COL24A1: variants seen among roughly 807,000 people sequenced by gnomAD.
COL24A1 encodes collagen alpha-1(XXIV) chain.
COL24A1 carries 224 observed loss-of-function variants against 253.9 expected under a neutral mutation model. The observed-to-expected ratio is 0.88, with a 90% CI of 0.79 to 0.99. The LOEUF is 0.99. COL24A1 is among the 50% of genes least tolerant of loss of function. The probability of loss-of-function intolerance (pLI) is 0.00; values close to 1 mark genes in which losing one functional copy is unlikely to be tolerated. For synonymous variants in COL24A1, 685 were observed against 673.7 expected (o/e 1.02, Z -0.26); for missense variants, 2,131 against 2,068.5 (o/e 1.03, Z -0.59).
chr1:85,900,523 C>A (rs1182537293), intron 28 of COL24A1, among the ~76,000 whole-genome samples: 1 of 152,034 alleles, frequency 6.6e-6, no homozygotes, highest in Non-Finnish European at 1.5e-5. Context: ...CCTGTAGAAC[C>A]AGCTACTTGG....
chr1:85,786,515 T>C lies in COL24A1; in HGVS notation c.3952-54A>G, dbSNP rs1008085585. On this transcript the variant is annotated intron_variant, in intron 47 of 59. Coordinates refer to ENST00000370571, the MANE Select transcript of COL24A1 (RefSeq NM_152890.7). ...TGGGAAAGTTTCTAAAAAGTCAGTT[T>C]AGAGGCTCAATAAAATGTAGGAAGA... 5 of 1,522,448 alleles carry C rather than the reference T, an allele frequency of 3.3e-6. No individual in the cohort carries two copies. The East Asian group carries it at 9.1e-5, about 28-fold the overall frequency. The allele number at this position is 1,522,448 out of a possible 1,614,324, so 94.3% of individuals were successfully genotyped here.
intron 43 of COL24A1, among the ~76,000 whole-genome samples, chr1:85,830,140 C>T (rs534236147): frequency 1.3e-5 from 2 of 152,188 alleles, no homozygotes; most frequent in African/African-American, 2.4e-5. Context: ...TTCCTTCTAA[C>T]AGACAGGACC....
intron 47 of COL24A1, among the ~76,000 whole-genome samples, chr1:85,791,277 A>G (rs763522410): frequency 6.6e-6 from 1 of 152,152 alleles, no homozygotes; most frequent in African/African-American, 2.4e-5. Flanking sequence ...GAAGGAGTCA[A>G]TGCTGAGATG....
intron 47 of COL24A1, among the ~76,000 whole-genome samples, chr1:85,815,536 A>G (rs1672972465): frequency 6.6e-6 from 1 of 152,220 alleles, no homozygotes; most frequent in South Asian, 2.1e-4. Flanking sequence ...AACAGCCTTC[A>G]TATTTTCAGA....
chr1:86,034,891 C>G (rs1374320907), intron 12 of COL24A1, among the ~76,000 whole-genome samples: 1 of 151,958 alleles, frequency 6.6e-6, no homozygotes, highest in Non-Finnish European at 1.5e-5. Flanking sequence ...GTTTATAAGA[C>G]TTACTATTGT....
At chr1:85,898,131 G>A (rs1377557526) in intron 28 of COL24A1, among the ~76,000 whole-genome samples, 2 of 152,182 alleles carry the variant, frequency 1.3e-5, no homozygotes, top group African/African-American at 4.8e-5. Flanking sequence ...GACTTATAAG[G>A]TGAAGGTCTG....
chr1:85,860,601 C>G (rs1027139366), intron 37 of COL24A1, among the ~76,000 whole-genome samples: 1 of 152,028 alleles, frequency 6.6e-6, no homozygotes, highest in Admixed American at 6.6e-5. Context: ...ATTAGCCAGG[C>G]GTGGTGGTGG....
chr1:85,839,498 A>T (rs1192971321), intron 42 of COL24A1, among the ~76,000 whole-genome samples: 1 of 152,080 alleles, frequency 6.6e-6, no homozygotes, highest in South Asian at 2.1e-4. Flanking sequence ...CTGAGATAGG[A>T]GGATCCCTTG....
Position 85,823,550 on chromosome 1 carries a change from C to T in COL24A1, c.3775G>A (p.Glu1259Lys). The change falls in exon 45 of 60, where the codon GAG (glutamate) becomes AAG (lysine). Residue 1259 changes from glutamate (E) to lysine (K), a missense_variant. By Grantham distance (56) the Glu-to-Lys change is moderately conservative. Transcript: ENST00000370571. Reference protein sequence around the residue: ...GDQGEQGLKGERGSEGNKGKK... With the variant: ...GDQGEQGLKGKRGSEGNKGKK... The stretch of plus-strand genomic sequence containing the variant: ...TTTCAACTTACTTCAGATCCTCTCT[C>T]TCCTTTTAGTCCTTGTTCACCCTGG... 6.2e-7 allele frequency: 1 copy of T among 1,613,978 alleles called. No individual in the cohort carries two copies. The highest frequency in any genetic ancestry group is 8.5e-7 in the Non-Finnish European group (1 of 1,179,926).
chr1:86,046,920 T>C (rs1253683602), intron 11 of COL24A1, 51 bp from the exon 12 acceptor site: 5 of 1,004,874 alleles, frequency 5.0e-6, no homozygotes, highest in African/African-American at 1.6e-5. Flanking sequence ...ATGAATTAGG[T>C]ACTATAGATC....
chr1:86,131,675 T>C (rs1037780106), intron 2 of COL24A1, among the ~76,000 whole-genome samples: 1 of 152,088 alleles, frequency 6.6e-6, no homozygotes, highest in African/African-American at 2.4e-5. Flanking sequence ...TCCATGTCCC[T>C]ACAAAGGACA....
intron 35 of COL24A1, 49 bp downstream of exon 35, chr1:85,874,600 C>T: frequency 6.5e-7 from 1 of 1,539,578 alleles, no homozygotes; most frequent in Non-Finnish European, 8.9e-7. Flanking sequence ...TTTTGAGCCT[C>T]TGAAAGAAGT....
rs578155336 is a variant in COL24A1, at chr1:85,869,505, G to GA, written c.3139-671dup. On this transcript the variant is annotated intron_variant, in intron 35 of 59. Transcript: ENST00000370571. Reference sequence around the variant, plus strand: ...CAGACTAACAGCGGATCTCTTGGCAGAAACTCTAGAAGCCAGAAGAGAGTG... The same window carrying GA: ...CAGACTAACAGCGGATCTCTTGGCAGAAAACTCTAGAAGCCAGAAGAGAGTG... Among the ~76,000 whole-genome samples, 180 of 152,340 alleles carry GA rather than the reference G, an allele frequency of 1.2e-3. 1 individual carries two copies. The Middle Eastern group carries it at 0.034, about 29-fold the overall frequency.
At chr1:85,878,541 C>T (rs1681462010) in intron 32 of COL24A1, among the ~76,000 whole-genome samples, 1 of 152,166 alleles carries the variant, frequency 6.6e-6, no homozygotes, top group South Asian at 2.1e-4. Context: ...CTGCTATAAA[C>T]ATTCTTGTAC....
intron 27 of COL24A1, 54 bp from the exon 28 acceptor site, chr1:85,907,301 A>G: frequency 7.4e-7 from 1 of 1,350,806 alleles, no homozygotes; most frequent in South Asian, 1.2e-5. Context: ...TACTATCAGA[A>G]TAATAGCCAT....
chr1:86,037,164 T>C (rs1342356720), intron 12 of COL24A1, among the ~76,000 whole-genome samples: 2 of 152,228 alleles, frequency 1.3e-5, no homozygotes, highest in Admixed American at 6.5e-5. Flanking sequence ...AATAATTTTC[T>C]ATTTTCTCAT....
chr1:85,834,630 C>CT (rs985945235), intron 43 of COL24A1, among the ~76,000 whole-genome samples: 1 of 152,168 alleles, frequency 6.6e-6, no homozygotes, highest in South Asian at 2.1e-4. Flanking sequence ...GCAAAAAGAA[C>CT]TTTGAGATGC....
intron 47 of COL24A1, among the ~76,000 whole-genome samples, chr1:85,799,379 T>TAA (rs66952563): frequency 1.3e-4 from 15 of 112,304 alleles, no homozygotes; most frequent in Middle Eastern, 4.9e-3. Context: ...GTGCCATGAC[T>TAA]AAAAAAAAAA....
At chr1:85,962,697 G>C (rs1691192534) in intron 23 of COL24A1, among the ~76,000 whole-genome samples, 1 of 152,150 alleles carries the variant, frequency 6.6e-6, no homozygotes, top group East Asian at 1.9e-4. Context: ...AAAAGATTAA[G>C]TTCAAAGTAC....
Sources: allele counts gnomAD v4.1 joint callset (sites outside exome capture counted in the v4.1 genomes callset), GRCh38; gene constraint gnomAD v4.1.1; transcripts MANE v1.5; gene names NCBI Gene and HGNC (gene_info 2026-07-23, HGNC 2026-07-21).